Variants in ASIC2 observed in about 807,000 individuals in gnomAD.
The protein encoded by ASIC2 is acid-sensing ion channel 2.
In ASIC2, 25 loss-of-function variants were observed where a neutral mutation model predicts 57.3. The ratio of observed to expected loss-of-function variants is 0.44; its 90% CI spans 0.32 to 0.61. ASIC2 has a LOEUF of 0.61. ASIC2 is among the 20% of genes least tolerant of loss of function. ASIC2 has a pLI of 0.06. For synonymous variants in ASIC2, 319 were observed against 307.5 expected, an observed-to-expected ratio of 1.04 and a Z score of -0.39; for missense variants, 641 against 738.1, an observed-to-expected ratio of 0.87 and a Z score of 1.52.
intron 9 of ASIC2, 84 bp from the exon 10 acceptor site, chr17:33,014,150 G>A: frequency 9.1e-7 from 1 of 1,093,224 alleles, no homozygotes; most frequent in African/African-American, 1.6e-5. Context: ...CCTAGGCCCT[G>A]GGGAAGGTGC....
intron 1 of ASIC2, among the ~76,000 whole-genome samples, chr17:33,981,264 T>G (rs376966218): frequency 1.1e-4 from 16 of 152,296 alleles, no homozygotes; most frequent in African/African-American, 3.4e-4. Context: ...AGTGTAATTT[T>G]ATGAGTTCTT....
rs1227023406 is a variant in ASIC2 at position 33,105,522 on chromosome 17, T to C, written c.859+6395A>G. Among the ~76,000 whole-genome samples, 3 of 152,138 alleles carry C rather than the reference T, an allele frequency of 2.0e-5. 1 individual carries two copies. Among genetic ancestry groups the C allele is most frequent in the African/African-American group, 7.2e-5 (3 of 41,430 alleles). ...TATGAAAATGGACTAATACAGTAAA[T>C]AGGTACCAGTAAAGTGGGATATTGC... On this transcript the variant is annotated intron_variant, in intron 2 of 9. Transcript: ENST00000225823.
intron 3 of ASIC2, among the ~76,000 whole-genome samples, chr17:33,041,680 C>G (rs2091930272): frequency 1.3e-5 from 2 of 152,230 alleles, no homozygotes; most frequent in Non-Finnish European, 2.9e-5. Context: ...CAGCTGAGTT[C>G]TGCACTCTGC....
At chr17:33,877,797 G>C (rs1914590400) in intron 1 of ASIC2, among the ~76,000 whole-genome samples, 1 of 152,230 alleles carries the variant, frequency 6.6e-6, no homozygotes, top group African/African-American at 2.4e-5. Flanking sequence ...TCTGAGAACA[G>C]ACAGACTGCC....
At chr17:33,899,016 T>G (rs776213653) in intron 1 of ASIC2, among the ~76,000 whole-genome samples, 1 of 151,824 alleles carries the variant, frequency 6.6e-6, no homozygotes, top group Non-Finnish European at 1.5e-5. Context: ...GAGGTAAAGA[T>G]CCTCAAGTTT....
chr17:34,069,118 T>C (rs1909284247), intron 1 of ASIC2, among the ~76,000 whole-genome samples: 1 of 152,058 alleles, frequency 6.6e-6, no homozygotes, highest in Non-Finnish European at 1.5e-5. Context: ...AAATGAGCCG[T>C]GATGGGAGTA....
chr17:33,940,102 T>C (rs538968946), intron 1 of ASIC2, among the ~76,000 whole-genome samples: 1 of 152,290 alleles, frequency 6.6e-6, no homozygotes, highest in Admixed American at 6.5e-5. Flanking sequence ...CTACTCTAGG[T>C]AAGCCATTGT....
intron 1 of ASIC2, among the ~76,000 whole-genome samples, chr17:33,219,790 A>G (rs1907627419): frequency 6.6e-6 from 1 of 152,134 alleles, no homozygotes; most frequent in African/African-American, 2.4e-5. Flanking sequence ...TGGGTTGTCT[A>G]TGTTAGAGAA....
chr17:33,658,480 C>G (rs1907146507), intron 1 of ASIC2, among the ~76,000 whole-genome samples: 1 of 152,146 alleles, frequency 6.6e-6, no homozygotes, highest in Non-Finnish European at 1.5e-5. Flanking sequence ...TCTTGGGGCT[C>G]CTCATACTGG....
At chr17:33,261,508 A>G (rs1454202690) in intron 1 of ASIC2, among the ~76,000 whole-genome samples, 1 of 152,154 alleles carries the variant, frequency 6.6e-6, no homozygotes, top group Non-Finnish European at 1.5e-5. Flanking sequence ...ACTTTTGATG[A>G]GTGACATGTC....
At chr17:33,074,394 G>A (rs1312676830) in intron 3 of ASIC2, among the ~76,000 whole-genome samples, 1 of 152,094 alleles carries the variant, frequency 6.6e-6, no homozygotes, top group African/African-American at 2.4e-5. Context: ...GGTGCTGTGT[G>A]CCTTTGCTGG....
chr17:34,069,126 G>A (rs1909284743), intron 1 of ASIC2, among the ~76,000 whole-genome samples: 1 of 152,096 alleles, frequency 6.6e-6, no homozygotes, highest in African/African-American at 2.4e-5. Context: ...CGTGATGGGA[G>A]TATTTACACT....
At chr17:33,446,217 G>T (rs750963984) in intron 1 of ASIC2, among the ~76,000 whole-genome samples, 1 of 152,020 alleles carries the variant, frequency 6.6e-6, no homozygotes, top group African/African-American at 2.4e-5. Context: ...TTCTTCCCAA[G>T]AACATCCCTG....
At chr17:33,884,926 A>C (rs891943513) in intron 1 of ASIC2, among the ~76,000 whole-genome samples, 1 of 152,226 alleles carries the variant, frequency 6.6e-6, no homozygotes, top group Non-Finnish European at 1.5e-5. Context: ...AGTTCCGACA[A>C]AGTGTAAAGC....
intron 1 of ASIC2, among the ~76,000 whole-genome samples, chr17:33,203,517 A>C (rs559642542): frequency 6.6e-6 from 1 of 152,240 alleles, no homozygotes; most frequent in African/African-American, 2.4e-5. Context: ...TTCCTCCAGC[A>C]CTTCTGTCCT....
chr17:33,396,085 C>A (rs1910067198), intron 1 of ASIC2, among the ~76,000 whole-genome samples: 1 of 152,324 alleles, frequency 6.6e-6, no homozygotes, highest in Admixed American at 6.5e-5. Context: ...CCTAAACAGA[C>A]CTCGTCATAA....
At chr17:33,560,322 A>C (rs1003913657) in intron 1 of ASIC2, among the ~76,000 whole-genome samples, 3 of 152,234 alleles carry the variant, frequency 2.0e-5, no homozygotes, top group African/African-American at 7.2e-5. Flanking sequence ...AGAAAGTGAA[A>C]TCACCTTGGA....
intron 1 of ASIC2, among the ~76,000 whole-genome samples, chr17:33,267,932 T>G (rs1028774362): frequency 1.3e-5 from 2 of 152,188 alleles, no homozygotes; most frequent in Admixed American, 6.5e-5. Flanking sequence ...AGCTATTCTC[T>G]CTTCTTTTGG....
chr17:33,021,460 C>A, intron 6 of ASIC2, 150 bp from the exon 7 acceptor site: 1 of 650,908 alleles, frequency 1.5e-6, no homozygotes, highest in Non-Finnish European at 2.6e-6. Context: ...AGTGGCAGAG[C>A]TGCGGCTTCA....
Sources: gnomAD v4.1 joint callset for allele counts (sites outside exome capture counted in the v4.1 genomes callset) on GRCh38, gnomAD v4.1.1 for gene constraint, MANE v1.5 for transcripts, NCBI Gene and HGNC (gene_info 2026-07-23, HGNC 2026-07-21) for gene names.